ADAMTS1: variants seen among roughly 807,000 people sequenced by gnomAD.
The protein encoded by ADAMTS1 is ADAM metallopeptidase with thrombospondin type 1 motif 1.
A neutral mutation model predicts 87.9 loss-of-function variants in ADAMTS1; 19 were observed. The ratio of observed to expected loss-of-function variants is 0.22; its 90% confidence interval spans 0.15 to 0.32. The LOEUF is 0.32. Among genes scored for constraint, ADAMTS1 ranks in the 10% least tolerant of loss-of-function variants. The probability of loss-of-function intolerance (pLI) is 1.00; values close to 1 mark genes in which losing one functional copy is unlikely to be tolerated. For synonymous variants in ADAMTS1, 542 were observed against 501.8 expected (o/e 1.08, Z -1.07); for missense variants, 1,240 against 1,259.1 (o/e 0.98, Z 0.23).
rs555175675 is a variant in ADAMTS1, at chr21:26,840,626, A to G, written c.1379-64T>C. 3.6e-5 allele frequency: 55 copies of G among 1,517,934 alleles called. No individual in the cohort carries two copies. The African/African-American group carries it at 6.9e-4, about 19-fold the overall frequency. 94.0% of individuals were successfully genotyped at this position (1,517,934 alleles called of 1,614,324 possible). A position where few individuals can be genotyped will look rare whatever the true frequency, so the allele number is the denominator to read the frequency against. On this transcript the variant is annotated intron_variant, in intron 4 of 8. Transcript: ENST00000284984. The stretch of plus-strand genomic sequence containing the variant: ...GTGAGGGCATGAAGGGGTAGATCCC[A>G]TTTCAGAAAATATTTATCATATGAG...
At position 26,844,638 on chromosome 21, in the gene ADAMTS1, C is replaced by A. The variant is rs1265597016; in HGVS notation, c.317G>T (p.Gly106Val). ...CGGCGTCTCGGACCCGGATTTGCGC[C>A]CCACGTTCTGGAGCGTGAAGCCGGG... ...LAPGFTLQNV[G>V]RKSGSETPLP... The change falls in exon 1 of 9, where the codon GGG becomes GTG. Residue 106 changes from glycine to valine, a missense_variant. Physicochemically the swap from Gly to Val is moderately radical, Grantham distance 109. Coordinates refer to ENST00000284984, the MANE Select transcript of ADAMTS1 (RefSeq NM_006988.5). 1 of 1,606,136 alleles carries A rather than the reference C, an allele frequency of 6.2e-7. No individual in the cohort carries two copies. Among genetic ancestry groups the A allele is most frequent in the Non-Finnish European group, 8.5e-7 (1 of 1,176,642 alleles).
intron 1 of ADAMTS1, 110 bp from the exon 2 acceptor site, chr21:26,842,795 A>G: frequency 1.3e-6 from 1 of 796,682 alleles, no homozygotes; most frequent in East Asian, 2.6e-5. Flanking sequence ...GCAAAAATAT[A>G]CCCAGAACAA....
intron 3 of ADAMTS1, chr21:26,841,537 C>G (rs1322410432): frequency 3.6e-6 from 1 of 280,520 alleles, no homozygotes; most frequent in Non-Finnish European, 6.6e-6. Context: ...TTTTTCCCAA[C>G]AGGGATTCAT....
At chr21:26,839,478 T>A in intron 7 of ADAMTS1, 109 bp downstream of exon 7, 1 of 1,018,890 alleles carries the variant, frequency 9.8e-7, no homozygotes, top group Non-Finnish European at 1.4e-6. Context: ...AAATTTGAAA[T>A]TGAAGATATG....
chr21:26,844,433 C>T lies in ADAMTS1; in HGVS notation c.522G>A (p.Gly174=). Residue 174 remains glycine, a synonymous_variant, in exon 1 of 9, where the codon GGG becomes GGA. Coordinates refer to ENST00000284984, the MANE Select transcript of ADAMTS1 (RefSeq NM_006988.5). ...ACTGTAGTGGTGCCGGCGGCTTCTC[C>T]CCTGGGGCGGCGGTGGCGAGGCGCT... is the stretch of plus-strand genomic sequence containing the variant. The part of the protein sequence containing the change: ...ASERLATAAP[G]EKPPAPLQFH... 6.3e-7 allele frequency: 1 copy of T among 1,588,506 alleles called. No individual in the cohort carries two copies. The highest frequency in any genetic ancestry group is 8.6e-7 in the Non-Finnish European group (1 of 1,167,666).
At chr21:26,841,635 G>A in intron 3 of ADAMTS1, 1 of 470,940 alleles carries the variant, frequency 2.1e-6, no homozygotes, top group Non-Finnish European at 3.6e-6. Context: ...TTCACAGGGT[G>A]TAAACAAACA....
At chr21:26,843,578 G>A (rs1985541939) in intron 1 of ADAMTS1, 3 of 466,424 alleles carry the variant, frequency 6.4e-6, no homozygotes, top group Non-Finnish European at 1.3e-5. Flanking sequence ...TTATGGCCGC[G>A]AGAGGGAGTG....
chr21:26,843,864 A>G (rs987020338), intron 1 of ADAMTS1: 5 of 460,290 alleles, frequency 1.1e-5, no homozygotes, highest in African/African-American at 1.0e-4. Flanking sequence ...AAAGGCGCAC[A>G]CAAAATCATT....
At chr21:26,842,983 A>G (rs1601923922) in intron 1 of ADAMTS1, 1 of 374,532 alleles carries the variant, frequency 2.7e-6, no homozygotes, top group East Asian at 5.7e-5. Context: ...TTCGCACATA[A>G]TCCTACCCAA....
rs779937076 is a variant in ADAMTS1, at chr21:26,840,485, G to T, written c.1456C>A (p.Arg486=). The change falls in exon 5 of 9, where the codon CGG becomes AGG. Residue 486 remains arginine (R), a synonymous_variant. Coordinates refer to ENST00000284984, the MANE Select transcript of ADAMTS1 (RefSeq NM_006988.5). ...DLPGTSYDAN[R]QCQFTFGEDS... ...TCCCCAAATGTAAACTGGCACTGCC[G>T]GTTGGCATCGTACGAGGTGCCAGGG... 1 of 1,614,226 alleles carries T rather than the reference G, an allele frequency of 6.2e-7. No individual in the cohort carries two copies. Among genetic ancestry groups the T allele is most frequent in the African/African-American group, 1.3e-5 (1 of 75,060 alleles).
intron 6 of ADAMTS1, 36 bp downstream of exon 6, chr21:26,839,839 T>C: frequency 6.2e-7 from 1 of 1,606,264 alleles, no homozygotes; most frequent in East Asian, 2.2e-5. Context: ...CTTTTTTTAA[T>C]CCAGTTTCTT....
At chr21:26,841,758 A>G in intron 3 of ADAMTS1, 100 bp downstream of exon 3, 1 of 1,337,636 alleles carries the variant, frequency 7.5e-7, no homozygotes, top group Middle Eastern at 1.9e-4. Flanking sequence ...ATGCACTAGG[A>G]CCTAAAATAG....
Position 26,839,743 on chromosome 21 carries a change from T to C in ADAMTS1, c.1872A>G (p.Glu624=). The change falls in exon 7 of 9, where the codon GAA becomes GAG. Residue 624 remains glutamate, a synonymous_variant. Coordinates refer to ENST00000284984, the MANE Select transcript of ADAMTS1 (RefSeq NM_006988.5). The part of the protein sequence containing the change: ...PDNNGKTFRE[E]QCEAHNEFSK... The stretch of plus-strand genomic sequence containing the variant: ...AAAACTCGTTGTGTGCTTCACATTG[T>C]TCCTCTCTAAAGGTTTTTCCTGGAA... 1 of 1,611,040 alleles carries C rather than the reference T, an allele frequency of 6.2e-7. No individual in the cohort carries two copies. The highest frequency in any genetic ancestry group is 8.5e-7 in the Non-Finnish European group (1 of 1,177,556).
Position 26,842,433 on chromosome 21 carries a change from G to A in ADAMTS1, c.983C>T (p.Thr328Ile), listed in dbSNP as rs914068438. Residue 328 changes from threonine (T) to isoleucine (I), a missense_variant, in exon 2 of 9, where the codon ACT becomes ATT. Thr to Ile is a moderately conservative substitution (Grantham distance 89). This residue lies in a region of ADAMTS1 where 317 missense variants were observed against 410.3 expected (regional missense o/e 0.77). Coordinates refer to ENST00000284984, the MANE Select transcript of ADAMTS1 (RefSeq NM_006988.5). ...CTGCCAGTTGCAAAAGTTCCGCAGA[G>A]TGAGGGCAGCATTGGAGGTCACTTC... Reference protein sequence around the residue: ...GPEVTSNAALTLRNFCNWQKQ... With the variant: ...GPEVTSNAALILRNFCNWQKQ... The A allele has an allele frequency of 1.2e-6, 2 of 1,614,210 alleles. No individual in the cohort carries two copies. Among genetic ancestry groups the A allele is most frequent in the Non-Finnish European group, 1.7e-6 (2 of 1,180,040 alleles).
chr21:26,837,717 C>G lies in ADAMTS1; in HGVS notation c.2766G>C (p.Lys922Asn). Residue 922 changes from lysine to asparagine, a missense_variant, in exon 9 of 9, where the codon AAG becomes AAC. Lys to Asn is a moderately conservative substitution (Grantham distance 94, BLOSUM62 0). Transcript: ENST00000284984. ...TTTTTTTGTAACCCTTCCCACAGGT[C>G]TTAGAACATGATGACCACTCCCCCA... is the stretch of plus-strand genomic sequence containing the variant. ...WQLGEWSSCS[K>N]TCGKGYKKRS... 6.2e-7 allele frequency: 1 copy of G among 1,614,194 alleles called. No individual in the cohort carries two copies. The highest frequency in any genetic ancestry group is 1.1e-5 in the South Asian group (1 of 91,078).
chr21:26,842,628 A>G lies in ADAMTS1; in HGVS notation c.788T>C (p.Met263Thr), dbSNP rs1312983134. ...FVSSHRYVET[M>T]LVADQSMAEF... ...TGCCATCGACTGGTCTGCCACAAGCATGGTTTCCACATAGCGGTGACTGGA... is the reference window on the plus strand; with the variant it reads ...TGCCATCGACTGGTCTGCCACAAGCGTGGTTTCCACATAGCGGTGACTGGA... Residue 263 changes from methionine to threonine, a missense_variant, in exon 2 of 9, where the codon ATG becomes ACG. Physicochemically the swap from Met to Thr is moderately conservative, Grantham distance 81. Around this residue, in one of 3 missense-constraint regions of ADAMTS1, gnomAD observed 521 missense variants for 449.7 expected, o/e 1.16. Coordinates refer to ENST00000284984, the MANE Select transcript of ADAMTS1 (RefSeq NM_006988.5). 3 of 1,614,092 alleles carry G rather than the reference A, an allele frequency of 1.9e-6. No homozygotes were observed. The highest frequency in any genetic ancestry group is 2.5e-6 in the Non-Finnish European group (3 of 1,180,040).
Position 26,837,603 on chromosome 21 carries a change from A to T in ADAMTS1, c.2880T>A (p.Phe960Leu). ...PLKKPKHFIDFCTMAECS is the reference protein window; with the variant it reads ...PLKKPKHFIDLCTMAECS ...CTTAACTGCATTCTGCCATTGTGCA[A>T]AAGTCTATGAAATGTTTAGGTTTCT... The change falls in exon 9 of 9, where the codon TTT (phenylalanine) becomes TTA (leucine). Residue 960 changes from phenylalanine (F) to leucine (L), a missense_variant. By Grantham distance (22) the Phe-to-Leu change is conservative. This residue lies in a region of ADAMTS1 where 402 missense variants were observed against 399.1 expected (regional missense o/e 1.01). Transcript: ENST00000284984. The T allele has an allele frequency of 6.2e-7, 1 of 1,614,112 alleles. No individual in the cohort carries two copies. The highest frequency in any genetic ancestry group is 8.5e-7 in the Non-Finnish European group (1 of 1,180,020).
At position 26,837,962 on chromosome 21, in the gene ADAMTS1, A is replaced by G. The variant is rs1446431142; in HGVS notation, c.2521T>C (p.Phe841Leu). Reference protein sequence around the residue: ...ALRPKIKYTYFVKKKKESFNA... With the variant: ...ALRPKIKYTYLVKKKKESFNA... ...AAAGATTCCTTCTTCTTCTTTACGA[A>G]GTAGGTGTATTTAATTTTAGGTCGA... The change falls in exon 9 of 9, where the codon TTC becomes CTC. Residue 841 changes from phenylalanine (F) to leucine (L), a missense_variant. Phe to Leu is a conservative substitution (Grantham distance 22). Coordinates refer to ENST00000284984, the MANE Select transcript of ADAMTS1 (RefSeq NM_006988.5). 8 of 1,614,104 alleles carry G rather than the reference A, an allele frequency of 5.0e-6. No individual in the cohort carries two copies. Among genetic ancestry groups the G allele is most frequent in the African/African-American group, 4.0e-5 (3 of 74,924 alleles).
rs1448311053 is a variant in ADAMTS1 at position 26,840,568 on chromosome 21, A to G, written c.1379-6T>C. 6.2e-7 allele frequency: 1 copy of G among 1,612,336 alleles called. No homozygotes were observed. The highest frequency in any genetic ancestry group is 8.5e-7 in the Non-Finnish European group (1 of 1,178,768). On this transcript the variant is annotated splice_region_variant and splice_polypyrimidine_tract_variant and intron_variant, in intron 4 of 8. Coordinates refer to ENST00000284984, the MANE Select transcript of ADAMTS1 (RefSeq NM_006988.5). ...CTTGTCCATCAAACATTCCCCTGCA[A>G]AGGAAATGCCAACCAATATCAATAC...
Sources: allele counts gnomAD v4.1 joint callset, GRCh38; gene constraint gnomAD v4.1.1; regional missense constraint gnomAD v4.1.1; transcripts MANE v1.5; gene names NCBI Gene and HGNC (gene_info 2026-07-23, HGNC 2026-07-21).